The following GOLM1 variants were observed in gnomAD, a reference collection of about 807,000 sequenced individuals.
GOLM1 encodes the protein golgi membrane protein 1.
A neutral mutation model predicts 50.5 loss-of-function variants in GOLM1; 31 were observed. The observed-to-expected ratio is 0.61, with a 90% CI of 0.46 to 0.83. The LOEUF (loss-of-function observed/expected upper bound fraction) is 0.83. Ranked by LOEUF, GOLM1 falls within the 40% of genes least tolerant of loss-of-function variation. The pLI, the probability that GOLM1 is intolerant of heterozygous loss-of-function variation, is 0.00. For missense variants in GOLM1, 491 were observed against 501.3 expected (o/e 0.98, Z 0.20); for synonymous variants, 178 against 192.8 (o/e 0.92, Z 0.64).
chr9:86,055,094 G>C (rs921279073), intron 3 of GOLM1, among the ~76,000 whole-genome samples: 1 of 152,194 alleles, frequency 6.6e-6, no homozygotes, highest in Non-Finnish European at 1.5e-5. Context: ...CAGCCTTTTG[G>C]AGTAAGGTGT....
intron 1 of GOLM1, chr9:86,079,952 C>G (rs1191897433): frequency 6.6e-6 from 1 of 152,076 alleles, no homozygotes; most frequent in African/African-American, 2.4e-5. Context: ...GAACTCCCCC[C>G]CATGTACATC....
At chr9:86,053,681 T>TCCACACTCCACA (rs1833886497) in intron 3 of GOLM1, among the ~76,000 whole-genome samples, 6 of 17,742 alleles carry the variant, frequency 3.4e-4, no homozygotes, top group East Asian at 8.8e-4. Context: ...GGCACACCAC[T>TCCACACTCCACA]CCACACACAC....
At chr9:86,061,533 G>A (rs913582240) in intron 3 of GOLM1, among the ~76,000 whole-genome samples, 1 of 152,238 alleles carries the variant, frequency 6.6e-6, no homozygotes, top group Non-Finnish European at 1.5e-5. Context: ...GAGGGCAGCA[G>A]AGGGAAGACC....
At chr9:86,052,413 A>C in intron 4 of GOLM1, 124 bp downstream of exon 4, 1 of 782,314 alleles carries the variant, frequency 1.3e-6, no homozygotes, top group Non-Finnish European at 2.2e-6. Flanking sequence ...AAGATTGCTC[A>C]ATGACTCATG....
rs369066906 is a variant in GOLM1, at chr9:86,027,244, G to GACTT, written c.*569_*572dup. 2.2e-5 allele frequency: 22 copies of GACTT among 985,414 alleles called. No individual in the cohort carries two copies. In the African/African-American group the frequency reaches 3.1e-4, roughly 14 times the overall value. 61.0% of individuals were successfully genotyped at this position (985,414 alleles called of 1,614,324 possible). The stretch of plus-strand genomic sequence containing the variant: ...CTCACACAGAACAGCTTTGTATTTA[G>GACTT]ACTTAAAGCTGTTGCTACTTTGCTA... On this transcript the variant is annotated 3_prime_UTR_variant, in exon 10 of 10. Transcript: ENST00000388712.
chr9:86,093,604 G>T (rs1835254742), intron 1 of GOLM1, among the ~76,000 whole-genome samples: 1 of 146,598 alleles, frequency 6.8e-6, no homozygotes, highest in African/African-American at 2.7e-5. Flanking sequence ...AATCAGAAAA[G>T]GAAAAAACTG....
chr9:86,094,164 GTTT>G (rs35694231), intron 1 of GOLM1, among the ~76,000 whole-genome samples: 51 of 149,784 alleles, frequency 3.4e-4, no homozygotes, highest in African/African-American at 1.2e-3. Context: ...TCCGGGCCTG[GTTT>G]TTTTTTTTTT....
At chr9:86,077,372 C>T in intron 3 of GOLM1, 40 bp downstream of exon 3, 2 of 1,515,374 alleles carry the variant, frequency 1.3e-6, no homozygotes, top group Non-Finnish European at 1.8e-6. Context: ...TAGACACCAT[C>T]CCTTAGAAAA....
chr9:86,083,298 T>C (rs1417139841), intron 1 of GOLM1, among the ~76,000 whole-genome samples: 3 of 152,252 alleles, frequency 2.0e-5, no homozygotes, highest in Non-Finnish European at 4.4e-5. Flanking sequence ...TGCTATGTAA[T>C]TAGCTGTTAA....
At chr9:86,086,298 C>T (rs1031784083) in intron 1 of GOLM1, among the ~76,000 whole-genome samples, 27 of 152,208 alleles carry the variant, frequency 1.8e-4, no homozygotes, top group African/African-American at 5.3e-4. Flanking sequence ...TCATATCCTT[C>T]GCCCAGTTTT....
At chr9:86,067,588 T>C (rs1416153343) in intron 3 of GOLM1, among the ~76,000 whole-genome samples, 3 of 152,202 alleles carry the variant, frequency 2.0e-5, no homozygotes, top group African/African-American at 7.2e-5. Context: ...CTAATGAATG[T>C]AGAAGTGACC....
chr9:86,048,036 C>A (rs1014136568), intron 4 of GOLM1, among the ~76,000 whole-genome samples: 1 of 124,582 alleles, frequency 8.0e-6, no homozygotes, highest in African/African-American at 3.0e-5. Context: ...CCCCTCCCCC[C>A]ACCCCACGAC....
At chr9:86,052,408 T>G (rs548329041) in intron 4 of GOLM1, 129 bp downstream of exon 4, 5 of 755,702 alleles carry the variant, frequency 6.6e-6, no homozygotes, top group South Asian at 6.4e-5. Context: ...GAATAAAGAT[T>G]GCTCAATGAC....
intron 1 of GOLM1, among the ~76,000 whole-genome samples, chr9:86,094,161 CT>C (rs1401705992): frequency 3.3e-4 from 27 of 80,866 alleles, no homozygotes; most frequent in African/African-American, 1.8e-3. Flanking sequence ...ATATCCGGGC[CT>C]GGTTTTTTTT....
intron 3 of GOLM1, among the ~76,000 whole-genome samples, chr9:86,055,741 T>G (rs913580894): frequency 6.6e-6 from 1 of 152,092 alleles, no homozygotes; most frequent in African/African-American, 2.4e-5. Context: ...CCTAAAGTCA[T>G]CAAAACCACA....
intron 3 of GOLM1, among the ~76,000 whole-genome samples, chr9:86,063,459 C>T (rs1353469716): frequency 6.6e-6 from 1 of 152,166 alleles, no homozygotes; most frequent in Non-Finnish European, 1.5e-5. Flanking sequence ...CGTACACAGA[C>T]CTTTGGGGAT....
intron 1 of GOLM1, among the ~76,000 whole-genome samples, chr9:86,099,158 G>A (rs1587751917): frequency 6.6e-6 from 1 of 152,204 alleles, no homozygotes; most frequent in Non-Finnish European, 1.5e-5. Context: ...CCTCATCGCA[G>A]GGCAAGGGGG....
chr9:86,053,766 A>G (rs1210285417), intron 3 of GOLM1, among the ~76,000 whole-genome samples: 7 of 17,008 alleles, frequency 4.1e-4, no homozygotes, highest in African/African-American at 1.4e-3. Flanking sequence ...CACACACCAC[A>G]CCAAACCATA....
At chr9:86,099,289 C>T (rs1313759595) in intron 1 of GOLM1, 122 bp downstream of exon 1, 1 of 152,258 alleles carries the variant, frequency 6.6e-6, no homozygotes, top group Non-Finnish European at 1.5e-5. Context: ...CGGCGCAAGC[C>T]GCGGGGAGGC....
Sources: allele counts gnomAD v4.1 joint callset (sites outside exome capture counted in the v4.1 genomes callset), GRCh38; gene constraint gnomAD v4.1.1; transcripts MANE v1.5; gene names NCBI Gene and HGNC (gene_info 2026-07-23, HGNC 2026-07-21).